Variants in GNB1 observed in about 807,000 individuals in gnomAD.
GNB1 encodes the protein G protein subunit beta 1.
In GNB1, 2 loss-of-function variants were observed where a neutral mutation model predicts 42.9. The ratio of observed to expected loss-of-function variants is 0.05; its 90% CI spans 0.02 to 0.15. The LOEUF (loss-of-function observed/expected upper bound fraction) is 0.15, where lower values mean the gene tolerates loss of function less well. Among genes scored for constraint, GNB1 ranks in the 10% least tolerant of loss-of-function variants. The pLI is 1.00. For missense variants in GNB1, 193 were observed against 462.2 expected (o/e 0.42, Z 5.34); for synonymous variants, 183 against 174.7 (o/e 1.05, Z -0.38).
chr1:1,854,717 G>C (rs566004852), intron 1 of GNB1, among the ~76,000 whole-genome samples: 1 of 152,288 alleles, frequency 6.6e-6, no homozygotes, highest in East Asian at 1.9e-4. Flanking sequence ...GGCCAGACTG[G>C]ATAATATAGT....
At chr1:1,881,544 C>T (rs1368018235) in intron 1 of GNB1, among the ~76,000 whole-genome samples, 1 of 151,932 alleles carries the variant, frequency 6.6e-6, no homozygotes, top group Non-Finnish European at 1.5e-5. Flanking sequence ...GCTGAGAATA[C>T]AGGTGTGCGC....
chr1:1,800,772 G>T (rs991470712), intron 7 of GNB1, among the ~76,000 whole-genome samples: 1 of 121,112 alleles, frequency 8.3e-6, no homozygotes, highest in African/African-American at 3.1e-5. Context: ...AAAAAAAAAA[G>T]AAAAATAAAT....
chr1:1,880,376 G>A (rs1035700141), intron 1 of GNB1, among the ~76,000 whole-genome samples: 3 of 151,946 alleles, frequency 2.0e-5, no homozygotes, highest in African/African-American at 2.4e-5. Context: ...CGAGGCAGGC[G>A]GATCACGAGG....
Position 1,790,926 on chromosome 1 carries a change from G to C in GNB1, c.498-330C>G, listed in dbSNP as rs1646473378. Among the ~76,000 whole-genome samples the C allele has an allele frequency of 6.6e-6, 1 of 152,152 alleles. No individual in the cohort carries two copies. Among genetic ancestry groups the C allele is most frequent in the Middle Eastern group, 3.2e-3 (1 of 316 alleles). On this transcript the variant is annotated intron_variant, in intron 8 of 11. Transcript: ENST00000378609. The surrounding 1 kb of genome is among the most constrained non-coding windows in gnomAD (Gnocchi z 5.4). ...AGGCTGTGCCCCCTCTTTGGTCATG[G>C]ATGGGCATGGAAGGGGTGGCAGGAA...
At chr1:1,870,933 AT>A (rs1649213513) in intron 1 of GNB1, among the ~76,000 whole-genome samples, 2 of 152,092 alleles carry the variant, frequency 1.3e-5, no homozygotes, top group African/African-American at 4.8e-5. Flanking sequence ...TCTCAAAAAA[AT>A]AAACAATAAA....
intron 1 of GNB1, among the ~76,000 whole-genome samples, chr1:1,841,699 A>ATTTTTTTTG (rs1446184549): frequency 8.5e-5 from 13 of 152,188 alleles, no homozygotes; most frequent in African/African-American, 3.1e-4. Context: ...CATTTACTTA[A>ATTTTTTTTG]AGTAGTTTCG....
chr1:1,845,821 C>CCACACA (rs1378797965), intron 1 of GNB1, among the ~76,000 whole-genome samples: 2 of 96,230 alleles, frequency 2.1e-5, no homozygotes, highest in African/African-American at 4.6e-5. Context: ...GTGTGTAAGT[C>CCACACA]CATACACACA....
At position 1,786,927 on chromosome 1, in the gene GNB1, G is replaced by C. The variant is rs1287461259; in HGVS notation, c.*136C>G. ...TTTCAGCAATAAGTGAAGGAAAAAAGATCTTGCCCTTTTGAAGTTCTGAGG... is the reference window on the plus strand; with the variant it reads ...TTTCAGCAATAAGTGAAGGAAAAAACATCTTGCCCTTTTGAAGTTCTGAGG... On this transcript the variant is annotated 3_prime_UTR_variant, in exon 12 of 12. Transcript: ENST00000378609. The C allele has an allele frequency of 6.5e-6, 1 of 153,700 alleles. No homozygotes were observed. Among genetic ancestry groups the C allele is most frequent in the Non-Finnish European group, 1.5e-5 (1 of 68,750 alleles). 9.5% of individuals were successfully genotyped at this position (153,700 alleles called of 1,614,324 possible).
At chr1:1,827,167 C>T (rs1176181409) in intron 2 of GNB1, among the ~76,000 whole-genome samples, 1 of 152,220 alleles carries the variant, frequency 6.6e-6, no homozygotes, top group Non-Finnish European at 1.5e-5. Context: ...CTAAGAAGCT[C>T]AGCCGTCAGT....
chr1:1,814,991 A>G (rs1235909482), intron 5 of GNB1, among the ~76,000 whole-genome samples: 1 of 151,694 alleles, frequency 6.6e-6, no homozygotes, highest in Admixed American at 6.6e-5. Context: ...AGGCGCCTGT[A>G]GTCCCAGCTA....
At chr1:1,792,428 G>A (rs376211110) in intron 8 of GNB1, among the ~76,000 whole-genome samples, 2 of 152,100 alleles carry the variant, frequency 1.3e-5, no homozygotes, top group East Asian at 3.9e-4. Context: ...CCAGGCATGG[G>A]GGCTCACACC....
At chr1:1,827,853 GAAGAA>G (rs1469927983) in intron 2 of GNB1, among the ~76,000 whole-genome samples, 1 of 152,148 alleles carries the variant, frequency 6.6e-6, no homozygotes, top group Non-Finnish European at 1.5e-5. Context: ...AAATCAACAT[GAAGAA>G]AACAAGTTAA....
chr1:1,878,192 G>A (rs916471872), intron 1 of GNB1, among the ~76,000 whole-genome samples: 8 of 152,166 alleles, frequency 5.3e-5, no homozygotes, highest in African/African-American at 1.4e-4. Flanking sequence ...GGTGCCTGGT[G>A]CAAGAAAGAT....
rs565941119 is a variant in GNB1, at chr1:1,848,445, T to A, written c.-95-9207A>T. Among the ~76,000 whole-genome samples, 67 of 151,770 alleles carry A rather than the reference T, an allele frequency of 4.4e-4. 1 individual carries two copies. The highest frequency in any genetic ancestry group is 3.7e-3 in the Admixed American group (57 of 15,238). ...TATTTCAGTAAAGTTCCACCAAGTA[T>A]GCCTGTCTCTCCTACCTCCCCTTCC... On this transcript the variant is annotated intron_variant, in intron 1 of 11. Transcript: ENST00000378609.
chr1:1,796,272 T>G (rs774469674), intron 7 of GNB1, among the ~76,000 whole-genome samples: 5 of 152,166 alleles, frequency 3.3e-5, no homozygotes, highest in Non-Finnish European at 7.3e-5. Context: ...GCAAGCATAC[T>G]CCATGAGGCC....
At chr1:1,800,968 T>C (rs1246808015) in intron 7 of GNB1, among the ~76,000 whole-genome samples, 1 of 152,232 alleles carries the variant, frequency 6.6e-6, no homozygotes, top group Non-Finnish European at 1.5e-5. Flanking sequence ...GAAGGCGCCT[T>C]TGCAGGAGAG....
intron 1 of GNB1, among the ~76,000 whole-genome samples, chr1:1,843,222 TATTA>T (rs893231772): frequency 2.4e-4 from 37 of 152,260 alleles, no homozygotes; most frequent in Admixed American, 4.6e-4. Context: ...ATTTTATCAT[TATTA>T]ATTATTTTTT....
chr1:1,813,264 T>C (rs1409824641), intron 5 of GNB1, among the ~76,000 whole-genome samples: 3 of 151,790 alleles, frequency 2.0e-5, no homozygotes, highest in Non-Finnish European at 4.4e-5. Flanking sequence ...ACAGCTACCA[T>C]GCCCAGCTAA....
At chr1:1,869,303 T>G (rs1205187530) in intron 1 of GNB1, among the ~76,000 whole-genome samples, 1 of 152,030 alleles carries the variant, frequency 6.6e-6, no homozygotes, top group Non-Finnish European at 1.5e-5. Context: ...TGACCATTCA[T>G]TATCTCAGAC....
Sources: allele counts gnomAD v4.1 joint callset (sites outside exome capture counted in the v4.1 genomes callset), GRCh38; gene constraint gnomAD v4.1.1; non-coding constraint Gnocchi (gnomAD v3.1); transcripts MANE v1.5; gene names NCBI Gene and HGNC (gene_info 2026-07-23, HGNC 2026-07-21).